Variants in DPP10 observed in about 807,000 individuals in gnomAD.
The protein encoded by DPP10 is dipeptidyl peptidase like 10, also known as inactive dipeptidyl peptidase 10.
A neutral mutation model predicts 120.9 loss-of-function variants in DPP10; 33 were observed. That is an observed-to-expected ratio of 0.27 (90% confidence interval 0.21 to 0.37). The LOEUF (loss-of-function observed/expected upper bound fraction) is 0.37. Among genes scored for constraint, DPP10 ranks in the 10% least tolerant of loss-of-function variants. The pLI, the probability that DPP10 is intolerant of heterozygous loss-of-function variation, is 1.00. For missense variants in DPP10, 816 were observed against 942.8 expected, an observed-to-expected ratio of 0.87 and a Z score of 1.76; for synonymous variants, 337 against 326.1, an observed-to-expected ratio of 1.03 and a Z score of -0.36.
chr2:115,049,363 G>A (rs1328649866), intron 1 of DPP10, among the ~76,000 whole-genome samples: 1 of 152,076 alleles, frequency 6.6e-6, no homozygotes, highest in African/African-American at 2.4e-5. Context: ...CCAAGCTTGA[G>A]AAAAGAGAGT....
chr2:115,128,759 T>A (rs1426206446), intron 1 of DPP10, among the ~76,000 whole-genome samples: 1 of 152,222 alleles, frequency 6.6e-6, no homozygotes, highest in Non-Finnish European at 1.5e-5. Flanking sequence ...CTGCAGAAGA[T>A]AATTTGGGTG....
intron 4 of DPP10, among the ~76,000 whole-genome samples, chr2:115,516,723 G>C (rs1000995551): frequency 6.6e-6 from 1 of 151,826 alleles, no homozygotes; most frequent in African/African-American, 2.4e-5. Flanking sequence ...AATATGCTAA[G>C]TTGTAAATTA....
intron 1 of DPP10, among the ~76,000 whole-genome samples, chr2:114,912,023 G>A (rs1458337831): frequency 6.6e-6 from 1 of 152,178 alleles, no homozygotes; most frequent in South Asian, 2.1e-4. Flanking sequence ...TGGCCTTAAA[G>A]AGTAAGATTT....
At chr2:115,563,864 T>G (rs891084456) in intron 5 of DPP10, among the ~76,000 whole-genome samples, 2 of 152,216 alleles carry the variant, frequency 1.3e-5, no homozygotes, top group Non-Finnish European at 2.9e-5. Context: ...CTATAAATGA[T>G]TCAGCTAAGA....
At chr2:115,308,971 T>G (rs1237051989) in intron 1 of DPP10, among the ~76,000 whole-genome samples, 1 of 152,060 alleles carries the variant, frequency 6.6e-6, no homozygotes, top group African/African-American at 2.4e-5. Context: ...ATCCTGGTGT[T>G]TATAGTCAAT....
At chr2:115,002,326 T>C (rs780569770) in intron 1 of DPP10, among the ~76,000 whole-genome samples, 3 of 151,796 alleles carry the variant, frequency 2.0e-5, no homozygotes, top group Non-Finnish European at 4.4e-5. Flanking sequence ...CCATACGGAG[T>C]GGTTTGAAAA....
intron 3 of DPP10, among the ~76,000 whole-genome samples, chr2:115,467,264 TAAAAC>T (rs918684338): frequency 6.6e-6 from 1 of 151,674 alleles, no homozygotes; most frequent in South Asian, 2.1e-4. Flanking sequence ...CATCCACAAA[TAAAAC>T]AAGAGACACT....
chr2:114,948,046 C>T (rs569142287), intron 1 of DPP10, among the ~76,000 whole-genome samples: 18 of 152,046 alleles, frequency 1.2e-4, no homozygotes, highest in African/African-American at 4.3e-4. Flanking sequence ...ATTTTTCCCT[C>T]CTGGACTATT....
intron 1 of DPP10, among the ~76,000 whole-genome samples, chr2:114,521,364 G>A (rs550044337): frequency 2.5e-4 from 38 of 151,304 alleles, no homozygotes; most frequent in South Asian, 8.4e-4. Context: ...AACTGTCACC[G>A]CATTAAGAAC....
rs1381229497 is a variant in DPP10, at chr2:115,031,967, T to G, written c.61-277272T>G. Among the ~76,000 whole-genome samples the G allele has an allele frequency of 2.0e-5, 3 of 152,186 alleles. No homozygotes were observed. In the East Asian group the frequency reaches 5.8e-4, roughly 29 times the overall value. On this transcript the variant is annotated intron_variant, in intron 1 of 25. Transcript: ENST00000410059. ...ATTATTCTATTTTCAATGTTTACTA[T>G]GATGGTTGAACACAAAGCTTGAGCC...
At position 115,453,659 on chromosome 2, in the gene DPP10, A is replaced by C. The variant is rs563693543; in HGVS notation, c.272-45851A>C. 3.5e-3 allele frequency among the ~76,000 whole-genome samples: 531 copies of C among 151,728 alleles called. 2 individuals carry two copies. The highest frequency in any genetic ancestry group is 0.012 in the African/African-American group (494 of 41,532). Reference sequence around the variant, plus strand: ...AAACGGTAGTTTTGGGGGAATTTATAGTTTTAAATGTCTATTTTAGGGAAG... The same window carrying C: ...AAACGGTAGTTTTGGGGGAATTTATCGTTTTAAATGTCTATTTTAGGGAAG... On this transcript the variant is annotated intron_variant, in intron 3 of 25. Transcript: ENST00000410059.
chr2:115,709,394 A>G (rs2092242383), intron 7 of DPP10, among the ~76,000 whole-genome samples: 1 of 152,074 alleles, frequency 6.6e-6, no homozygotes, highest in South Asian at 2.1e-4. Context: ...AAATGACAGA[A>G]TTTTCCGACG....
At chr2:115,518,157 A>G (rs138935602) in intron 4 of DPP10, among the ~76,000 whole-genome samples, 2 of 152,338 alleles carry the variant, frequency 1.3e-5, no homozygotes, top group East Asian at 1.9e-4. Context: ...AGCCTGTCCC[A>G]TGACCTAAAC....
intron 1 of DPP10, among the ~76,000 whole-genome samples, chr2:115,227,795 T>C (rs1044486274): frequency 6.6e-6 from 1 of 152,200 alleles, no homozygotes; most frequent in Non-Finnish European, 1.5e-5. Flanking sequence ...GGATATGCCA[T>C]AGTTTGTTCA....
intron 5 of DPP10, among the ~76,000 whole-genome samples, chr2:115,655,579 A>C (rs1401807524): frequency 6.6e-6 from 1 of 151,496 alleles, no homozygotes; most frequent in African/African-American, 2.4e-5. Flanking sequence ...CTATTATTTG[A>C]TTGGTTTGGA....
At chr2:114,533,500 A>C (rs537539170) in intron 1 of DPP10, among the ~76,000 whole-genome samples, 1 of 152,226 alleles carries the variant, frequency 6.6e-6, no homozygotes, top group East Asian at 1.9e-4. Flanking sequence ...TAGGAAAAAT[A>C]GCTAGTGCCT....
intron 19 of DPP10, among the ~76,000 whole-genome samples, chr2:115,807,969 T>C (rs1686203768): frequency 1.3e-5 from 2 of 151,936 alleles, no homozygotes; most frequent in South Asian, 4.1e-4. Context: ...CTTAAGAATG[T>C]TTTCTTTAAA....
In DPP10 at chr2:114,476,095, A is replaced by G. The variant is rs146648605; in HGVS notation, c.60+33257A>G. On this transcript the variant is annotated intron_variant, in intron 1 of 25. Coordinates refer to ENST00000410059, the MANE Select transcript of DPP10 (RefSeq NM_020868.6). ...CTTGTTTGTTCTTGTGATATAAGAC[A>G]TAGTACCACTAACCCCTTGAATCTA... is the stretch of plus-strand genomic sequence containing the variant. 1.6e-4 allele frequency among the ~76,000 whole-genome samples: 25 copies of G among 152,338 alleles called. 1 individual carries two copies. In the East Asian group the frequency reaches 3.9e-3, roughly 24 times the overall value.
At chr2:115,739,954 A>G (rs1677051142) in intron 9 of DPP10, 61 bp downstream of exon 9, 11 of 1,545,600 alleles carry the variant, frequency 7.1e-6, no homozygotes, top group Admixed American at 5.3e-5. Flanking sequence ...GACTTGACAG[A>G]TGGTATTCTT....
Sources: gnomAD v4.1 joint callset for allele counts (sites outside exome capture counted in the v4.1 genomes callset) on GRCh38, gnomAD v4.1.1 for gene constraint, MANE v1.5 for transcripts, NCBI Gene and HGNC (gene_info 2026-07-23, HGNC 2026-07-21) for gene names.